The following SCAMP1 variants were observed in gnomAD, a reference collection of about 807,000 sequenced individuals.
SCAMP1 encodes secretory carrier-associated membrane protein 1.
SCAMP1 carries 15 observed loss-of-function variants against 41.8 expected under a neutral mutation model. The observed-to-expected ratio is 0.36, with a 90% confidence interval of 0.24 to 0.55. The LOEUF is 0.55. Ranked by LOEUF, SCAMP1 falls within the 20% of genes least tolerant of loss-of-function variation. The pLI is 0.86. For missense variants in SCAMP1, 341 were observed against 412.6 expected (o/e 0.83, Z 1.50); for synonymous variants, 135 against 136.8 (o/e 0.99, Z 0.09).
At chr5:78,401,408 A>T (rs925447120) in intron 2 of SCAMP1, among the ~76,000 whole-genome samples, 1 of 152,118 alleles carries the variant, frequency 6.6e-6, no homozygotes, top group Non-Finnish European at 1.5e-5. Context: ...GAATTAGTAA[A>T]ATTTCTACCT....
At chr5:78,468,581 C>G (rs1010475984) in intron 8 of SCAMP1, among the ~76,000 whole-genome samples, 5 of 152,108 alleles carry the variant, frequency 3.3e-5, no homozygotes, top group Non-Finnish European at 7.4e-5. Context: ...ATGATTATCA[C>G]TTCCATGAAA....
intron 6 of SCAMP1, among the ~76,000 whole-genome samples, chr5:78,428,785 C>T (rs543862277): frequency 1.3e-5 from 2 of 152,206 alleles, no homozygotes; most frequent in South Asian, 2.1e-4. Flanking sequence ...TATAATTTCT[C>T]TCAGCCATGT....
chr5:78,415,410 T>C (rs1752186781), intron 2 of SCAMP1, 110 bp from the exon 3 acceptor site: 3 of 652,278 alleles, frequency 4.6e-6, no homozygotes, highest in South Asian at 3.9e-5. Flanking sequence ...GAGCAGGGAA[T>C]GAAGAGATGC....
intron 1 of SCAMP1, among the ~76,000 whole-genome samples, chr5:78,362,871 T>C (rs2112030629): frequency 6.6e-6 from 1 of 151,904 alleles, no homozygotes; most frequent in East Asian, 1.9e-4. Flanking sequence ...TTTGAGTTAC[T>C]TTATGATCAT....
At chr5:78,396,885 G>A (rs1751664699) in intron 2 of SCAMP1, among the ~76,000 whole-genome samples, 1 of 152,220 alleles carries the variant, frequency 6.6e-6, no homozygotes, top group Admixed American at 6.5e-5. Context: ...CAATGTAGAA[G>A]TCATTAGCTA....
chr5:78,389,515 C>G (rs1751434125), intron 2 of SCAMP1, among the ~76,000 whole-genome samples: 2 of 152,090 alleles, frequency 1.3e-5, no homozygotes, highest in Admixed American at 1.3e-4. Context: ...TCCATCCTCC[C>G]ACCTCAGCCT....
intron 8 of SCAMP1, among the ~76,000 whole-genome samples, chr5:78,468,049 G>GTGC (rs1753788909): frequency 6.6e-6 from 1 of 152,096 alleles, no homozygotes; most frequent in African/African-American, 2.4e-5. Flanking sequence ...TAAGGTAAAT[G>GTGC]TGCTCTGTCC....
chr5:78,452,899 A>G (rs1421887294), intron 7 of SCAMP1, among the ~76,000 whole-genome samples: 1 of 150,294 alleles, frequency 6.7e-6, no homozygotes, highest in Non-Finnish European at 1.5e-5. Context: ...GTGAGATGAT[A>G]TCTCATTGTG....
chr5:78,459,252 A>G lies in SCAMP1; in HGVS notation c.742A>G (p.Ile248Val), dbSNP rs779447245. The G allele has an allele frequency of 2.6e-6, 4 of 1,526,312 alleles. No individual in the cohort carries two copies. In the African/African-American group the frequency reaches 5.5e-5, roughly 21 times the overall value. The allele number at this position is 1,526,312 out of a possible 1,614,324, so 94.5% of individuals were successfully genotyped here. ...GFHNWGNCGW[I>V]SSLTGLNQNI... ...CTTTTTATTACTTTTTAGTGGTTGG[A>G]TTTCATCCCTTACTGGTCTCAACCA... Residue 248 changes from isoleucine to valine, a missense_variant, in exon 8 of 9, where the codon ATT becomes GTT. Coordinates refer to ENST00000621999, the MANE Select transcript of SCAMP1 (RefSeq NM_004866.6).
intron 4 of SCAMP1, among the ~76,000 whole-genome samples, chr5:78,418,531 G>T (rs1402234096): frequency 7.9e-5 from 12 of 152,126 alleles, no homozygotes; most frequent in African/African-American, 2.6e-4. Flanking sequence ...TGCTAAACAT[G>T]GTATGATATG....
intron 6 of SCAMP1, among the ~76,000 whole-genome samples, chr5:78,435,802 C>T (rs1752738352): frequency 6.6e-6 from 1 of 152,206 alleles, no homozygotes; most frequent in South Asian, 2.1e-4. Flanking sequence ...AATTGCCACA[C>T]TGTCTTCCAC....
chr5:78,418,995 G>A (rs1159751435), intron 5 of SCAMP1, 92 bp downstream of exon 5: 3 of 1,072,452 alleles, frequency 2.8e-6, no homozygotes, highest in Non-Finnish European at 4.0e-6. Flanking sequence ...TAGCAAACCA[G>A]TCTTCTTTTT....
At chr5:78,456,513 C>G (rs1414690268) in intron 7 of SCAMP1, among the ~76,000 whole-genome samples, 2 of 151,442 alleles carry the variant, frequency 1.3e-5, no homozygotes, top group Admixed American at 1.3e-4. Context: ...AATATTGGCC[C>G]CCACTCTCTT....
chr5:78,425,905 C>T (rs1038422233), intron 6 of SCAMP1, among the ~76,000 whole-genome samples: 5 of 151,984 alleles, frequency 3.3e-5, no homozygotes, highest in African/African-American at 7.3e-5. Flanking sequence ...GTTTTAAGCC[C>T]CGCGTGCATT....
At chr5:78,421,756 T>C in intron 5 of SCAMP1, 45 bp from the exon 6 acceptor site, 1 of 1,527,186 alleles carries the variant, frequency 6.5e-7, no homozygotes, top group Admixed American at 2.0e-5. Context: ...ATTCATAAAT[T>C]GAATGTAAAT....
chr5:78,361,731 C>T (rs1285835477), intron 1 of SCAMP1, among the ~76,000 whole-genome samples: 1 of 152,234 alleles, frequency 6.6e-6, no homozygotes, highest in Non-Finnish European at 1.5e-5. Context: ...TCTCAATCCC[C>T]CCGGCCATGT....
chr5:78,459,641 T>G (rs1753533174), intron 8 of SCAMP1, among the ~76,000 whole-genome samples: 1 of 152,220 alleles, frequency 6.6e-6, no homozygotes, highest in South Asian at 2.1e-4. Context: ...ATTTGGATTT[T>G]TAAATATACT....
intron 1 of SCAMP1, among the ~76,000 whole-genome samples, chr5:78,385,477 T>A (rs1250445280): frequency 2.0e-5 from 3 of 152,176 alleles, no homozygotes; most frequent in African/African-American, 7.2e-5. Flanking sequence ...ACTTCTTTTC[T>A]TCTTCTGGGT....
chr5:78,465,077 T>C (rs1352740325), intron 8 of SCAMP1, among the ~76,000 whole-genome samples: 1 of 152,224 alleles, frequency 6.6e-6, no homozygotes, highest in Non-Finnish European at 1.5e-5. Context: ...CCGATCTTGC[T>C]GTGTCTCCCA....
Sources: gnomAD v4.1 joint callset for allele counts (sites outside exome capture counted in the v4.1 genomes callset) on GRCh38, gnomAD v4.1.1 for gene constraint, MANE v1.5 for transcripts, NCBI Gene and HGNC (gene_info 2026-07-23, HGNC 2026-07-21) for gene names.